Variants in PTGIS observed in about 807,000 individuals in gnomAD.
PTGIS encodes prostaglandin I2 synthase, also known as prostacyclin synthase.
In PTGIS, 45 loss-of-function variants were observed where a neutral mutation model predicts 50.3. That is an observed-to-expected ratio of 0.90 (90% CI 0.70 to 1.15). The LOEUF (loss-of-function observed/expected upper bound fraction) is 1.15. Among genes scored for constraint, PTGIS ranks in the 50% most tolerant of loss-of-function variants. PTGIS has a pLI of 0.00. For synonymous variants in PTGIS, 260 were observed against 267.7 expected (o/e 0.97, Z 0.28); for missense variants, 668 against 661.3 (o/e 1.01, Z -0.11).
chr20:49,555,743 TA>T (rs1199972638), intron 1 of PTGIS, among the ~76,000 whole-genome samples: 3 of 152,242 alleles, frequency 2.0e-5, no homozygotes, highest in Admixed American at 2.0e-4. Context: ...ATTGTGTCTT[TA>T]ACTATGGCTG....
chr20:49,525,759 A>G (rs1038812505), intron 5 of PTGIS, among the ~76,000 whole-genome samples: 1 of 152,134 alleles, frequency 6.6e-6, no homozygotes, highest in East Asian at 1.9e-4. Context: ...GTCATTTTGG[A>G]TTGCTCTGAA....
rs192192552 is a variant in PTGIS, at chr20:49,531,952, C to T, written c.673+7618G>A. 5.3e-5 allele frequency among the ~76,000 whole-genome samples: 8 copies of T among 152,210 alleles called. No homozygotes were observed. The South Asian group carries it at 1.2e-3, about 24-fold the overall frequency. On this transcript the variant is annotated intron_variant, in intron 5 of 9. Transcript: ENST00000244043. ...GCCTCATGCTGTATTTTAATGTCTG[C>T]ATAAAGGCCAAGTGTTGTTCTGGGA... is the stretch of plus-strand genomic sequence containing the variant.
rs78656520 is a variant in PTGIS at position 49,516,435 on chromosome 20, C to T, written c.856-2040G>A. ...TGATACAAGCATGCACCACCATGCC[C>T]GGCTAATCTTTCTATTTTTTGTAAA... On this transcript the variant is annotated intron_variant, in intron 6 of 9. Transcript: ENST00000244043. 3.7e-4 allele frequency among the ~76,000 whole-genome samples: 56 copies of T among 152,110 alleles called. 2 individuals carry two copies. The East Asian group carries it at 7.9e-3, about 22-fold the overall frequency.
In PTGIS at chr20:49,507,960, G is replaced by A. The variant is rs151253565; in HGVS notation, c.1463C>T (p.Pro488Leu). Reference sequence around the variant, plus strand: ...GTAGCGGACGGGCACGTCGTGTTCCGGCTGCATCAGACCGAAGCCGTACCT... The same window carrying A: ...GTAGCGGACGGGCACGTCGTGTTCCAGCTGCATCAGACCGAAGCCGTACCT... ...LSRYGFGLMQ[P>L]EHDVPVRYRI... The change falls in exon 10 of 10, where the codon CCG becomes CTG. Residue 488 changes from proline (P) to leucine (L), a missense_variant. Pro to Leu is a moderately conservative substitution (Grantham distance 98). Transcript: ENST00000244043. 65 of 1,613,504 alleles carry A rather than the reference G, an allele frequency of 4.0e-5. No individual in the cohort carries two copies. The highest frequency in any genetic ancestry group is 4.5e-5 in the Non-Finnish European group (53 of 1,180,032).
At chr20:49,514,159 G>A in intron 7 of PTGIS, 68 bp downstream of exon 7, 2 of 1,582,334 alleles carry the variant, frequency 1.3e-6, no homozygotes, top group Non-Finnish European at 1.7e-6. Flanking sequence ...AGTCCATGTT[G>A]GGGAGGGCTT....
intron 5 of PTGIS, among the ~76,000 whole-genome samples, chr20:49,529,362 TG>T (rs1270058713): frequency 2.0e-5 from 3 of 152,196 alleles, no homozygotes; most frequent in Non-Finnish European, 4.4e-5. Flanking sequence ...ATGCGGTATT[TG>T]ATTTTCTGTG....
Position 49,568,041 on chromosome 20 carries a change from A to T in PTGIS, c.74+2T>A. 6.8e-7 allele frequency: 1 copy of T among 1,481,322 alleles called. No individual in the cohort carries two copies. Among genetic ancestry groups the T allele is most frequent in the African/African-American group, 1.5e-5 (1 of 67,798 alleles). 91.8% of individuals were successfully genotyped at this position (1,481,322 alleles called of 1,614,324 possible). A position where few individuals can be genotyped will look rare whatever the true frequency, so the allele number is the denominator to read the frequency against. On this transcript the variant is annotated splice_donor_variant, in intron 1 of 9. Coordinates refer to ENST00000244043, the MANE Select transcript of PTGIS (RefSeq NM_000961.4). LOFTEE classifies it high-confidence loss of function. ...CGGGGCCGAGCGGAGCAGGACACTCACCGCGTGCGGCGGCGGCTCAGTAGC... is the reference window on the plus strand; with the variant it reads ...CGGGGCCGAGCGGAGCAGGACACTCTCCGCGTGCGGCGGCGGCTCAGTAGC...
At chr20:49,537,275 T>C (rs1982102784) in intron 5 of PTGIS, among the ~76,000 whole-genome samples, 1 of 152,188 alleles carries the variant, frequency 6.6e-6, no homozygotes, top group Non-Finnish European at 1.5e-5. Flanking sequence ...CGCCGCCCAG[T>C]GGTTCCTACG....
Position 49,507,839 on chromosome 20 carries a change from T to C in PTGIS, c.*81A>G. ...CTAGCACCTGCACCCGGGCCAACTGTGCACACAGAAAGCTGGGAGGCTGGG... is the reference window on the plus strand; with the variant it reads ...CTAGCACCTGCACCCGGGCCAACTGCGCACACAGAAAGCTGGGAGGCTGGG... On this transcript the variant is annotated 3_prime_UTR_variant, in exon 10 of 10. Transcript: ENST00000244043. The C allele has an allele frequency of 1.9e-6, 3 of 1,586,782 alleles. No individual in the cohort carries two copies. Among genetic ancestry groups the C allele is most frequent in the South Asian group, 2.2e-5 (2 of 89,728 alleles).
At position 49,505,328 on chromosome 20, in the gene PTGIS, T is replaced by C. The variant is rs1425644190; in HGVS notation, c.*2592A>G. On this transcript the variant is annotated 3_prime_UTR_variant, in exon 10 of 10. Coordinates refer to ENST00000244043, the MANE Select transcript of PTGIS (RefSeq NM_000961.4). ...CTCTCCCTCTTTTCTTTATAGCTTC[T>C]ATTTTTTTTAAAGAGAAAAATAACG... 6.6e-6 allele frequency: 1 copy of C among 152,174 alleles called. No individual in the cohort carries two copies. Among genetic ancestry groups the C allele is most frequent in the Non-Finnish European group, 1.5e-5 (1 of 68,030 alleles). 9.4% of individuals were successfully genotyped at this position (152,174 alleles called of 1,614,324 possible).
chr20:49,536,431 A>T (rs1982069009), intron 5 of PTGIS, among the ~76,000 whole-genome samples: 1 of 151,832 alleles, frequency 6.6e-6, no homozygotes, highest in South Asian at 2.1e-4. Context: ...AGTGCTCAGC[A>T]AACAGTGCTT....
intron 4 of PTGIS, 37 bp downstream of exon 4, chr20:49,544,268 G>A (rs778966842): frequency 4.1e-5 from 66 of 1,612,262 alleles, no homozygotes; most frequent in Admixed American, 3.8e-4. Flanking sequence ...TCAAAGTGCC[G>A]GGCCCCAGCA....
chr20:49,556,769 T>A (rs1203485699), intron 1 of PTGIS, among the ~76,000 whole-genome samples: 3 of 152,218 alleles, frequency 2.0e-5, no homozygotes, highest in Non-Finnish European at 4.4e-5. Context: ...TAGACTTGTC[T>A]AATGTTTTTC....
intron 5 of PTGIS, among the ~76,000 whole-genome samples, chr20:49,536,403 C>T (rs923932701): frequency 1.3e-5 from 2 of 151,724 alleles, no homozygotes; most frequent in Admixed American, 1.3e-4. Context: ...TGCTTAACCT[C>T]GTATCTGGCA....
intron 1 of PTGIS, among the ~76,000 whole-genome samples, chr20:49,554,799 C>A (rs931344256): frequency 6.6e-6 from 1 of 152,152 alleles, no homozygotes; most frequent in African/African-American, 2.4e-5. Context: ...AGCATTATCC[C>A]ACCCTTTAAA....
intron 9 of PTGIS, among the ~76,000 whole-genome samples, chr20:49,510,729 C>T (rs906362448): frequency 2.6e-5 from 4 of 152,112 alleles, no homozygotes; most frequent in Non-Finnish European, 5.9e-5. Context: ...CGGGTAGCTA[C>T]GGTCAGCTGA....
chr20:49,536,944 C>T (rs560471937), intron 5 of PTGIS, among the ~76,000 whole-genome samples: 1 of 152,288 alleles, frequency 6.6e-6, no homozygotes, highest in South Asian at 2.1e-4. Flanking sequence ...AGAGCCCAGA[C>T]TCTGTCTTAG....
At chr20:49,544,484 C>T in intron 3 of PTGIS, 36 bp from the exon 4 acceptor site, 2 of 1,613,692 alleles carry the variant, frequency 1.2e-6, no homozygotes, top group African/African-American at 2.7e-5. Context: ...AATTTGGCTT[C>T]CAAAGGGAAA....
At chr20:49,537,379 G>A (rs1982106792) in intron 5 of PTGIS, among the ~76,000 whole-genome samples, 1 of 152,238 alleles carries the variant, frequency 6.6e-6, no homozygotes, top group African/African-American at 2.4e-5. Flanking sequence ...ACAAATCGAT[G>A]TGGAAATGCT....
Sources: gnomAD v4.1 joint callset for allele counts (sites outside exome capture counted in the v4.1 genomes callset) on GRCh38, gnomAD v4.1.1 for gene constraint, MANE v1.5 for transcripts, NCBI Gene and HGNC (gene_info 2026-07-23, HGNC 2026-07-21) for gene names.